LAMTOR2: variants seen among roughly 807,000 people sequenced by gnomAD.
LAMTOR2 encodes the protein ragulator complex protein LAMTOR2.
Under a neutral mutation model 15.8 loss-of-function variants are expected in LAMTOR2, and 4 were observed. The ratio of observed to expected loss-of-function variants is 0.25; its 90% CI spans 0.12 to 0.58. The LOEUF (loss-of-function observed/expected upper bound fraction) is 0.58. LAMTOR2 is among the 20% of genes least tolerant of loss of function. LAMTOR2 has a pLI of 0.91. For missense variants in LAMTOR2, 100 were observed against 161.0 expected (o/e 0.62, Z 2.05); for synonymous variants, 62 against 64.1 (o/e 0.97, Z 0.15).
intron 2 of LAMTOR2, 112 bp from the exon 3 acceptor site, chr1:156,057,866 C>T (rs1407850415): frequency 9.8e-7 from 1 of 1,021,426 alleles, no homozygotes; most frequent in Non-Finnish European, 1.5e-6. Flanking sequence ...CCTGCTGTGC[C>T]CAGGGCATGG....
chr1:156,055,257 C>G lies in LAMTOR2; in HGVS notation c.69-6C>G. The G allele has an allele frequency of 6.2e-7, 1 of 1,613,844 alleles. No homozygotes were observed. Among genetic ancestry groups the G allele is most frequent in the Non-Finnish European group, 8.5e-7 (1 of 1,180,018 alleles). On this transcript the variant is annotated splice_region_variant and splice_polypyrimidine_tract_variant and intron_variant, in intron 1 of 3. Coordinates refer to ENST00000368305, the MANE Select transcript of LAMTOR2 (RefSeq NM_014017.4). This position sits in a 1 kb window ranked among gnomAD's most constrained non-coding sequence, Gnocchi z 4.8. ...CACATCGCTATCCCTCCCCGCCCCT[C>G]ACCAGGCTGCTGAATAACGAGGGAT...
rs769642365 is a variant in LAMTOR2, at chr1:156,055,458, C to A, written c.231+33C>A. ...GAGGGGAGCCAGACTTCCCCTGTCC[C>A]CCAAAGGGGATCCCAAGGGGGCGAC... On this transcript the variant is annotated intron_variant, in intron 2 of 3. Transcript: ENST00000368305. The surrounding 1 kb of genome is among the most constrained non-coding windows in gnomAD (Gnocchi z 4.8). The A allele has an allele frequency of 1.2e-6, 2 of 1,613,400 alleles. No individual in the cohort carries two copies. The highest frequency in any genetic ancestry group is 1.3e-5 in the African/African-American group (1 of 75,046).
In LAMTOR2 at chr1:156,055,131, C is replaced by T; in HGVS notation, c.69-132C>T. 1 of 1,417,028 alleles carries T rather than the reference C, an allele frequency of 7.1e-7. No individual in the cohort carries two copies. Among genetic ancestry groups the T allele is most frequent in the Admixed American group, 1.7e-5 (1 of 59,036 alleles). 87.8% of individuals were successfully genotyped at this position (1,417,028 alleles called of 1,614,324 possible). ...AAAAGGGAAGCCGGTGTGCTGGGTG[C>T]TTAGGGCATGTTCCGGGACACGCTC... On this transcript the variant is annotated intron_variant, in intron 1 of 3. Coordinates refer to ENST00000368305, the MANE Select transcript of LAMTOR2 (RefSeq NM_014017.4). The surrounding 1 kb of genome is among the most constrained non-coding windows in gnomAD (Gnocchi z 4.8).
intron 2 of LAMTOR2, among the ~76,000 whole-genome samples, chr1:156,057,342 A>C (rs556093482): frequency 9.1e-4 from 139 of 152,192 alleles, no homozygotes; most frequent in Middle Eastern, 3.4e-3. Flanking sequence ...AAAAAATTTT[A>C]ATAAATAAAT....
Position 156,054,868 on chromosome 1 carries a change from C to T in LAMTOR2, c.-22C>T, listed in dbSNP as rs1269922849. On this transcript the variant is annotated 5_prime_UTR_variant, in exon 1 of 4. Transcript: ENST00000368305. Reference sequence around the variant, plus strand: ...CACCTCGGAGATCTGGGTGCAAAAGCCCAGGGTTAGGAACCGTAGGCATGC... The same window carrying T: ...CACCTCGGAGATCTGGGTGCAAAAGTCCAGGGTTAGGAACCGTAGGCATGC... 2.5e-6 allele frequency: 4 copies of T among 1,611,646 alleles called. No individual in the cohort carries two copies. Among genetic ancestry groups the T allele is most frequent in the Admixed American group, 1.7e-5 (1 of 59,866 alleles).
Position 156,055,694 on chromosome 1 carries a change from C to T in LAMTOR2, c.231+269C>T. The T allele has an allele frequency of 2.0e-6, 1 of 509,504 alleles. No homozygotes were observed. The highest frequency in any genetic ancestry group is 3.6e-6 in the Non-Finnish European group (1 of 279,694). 31.6% of individuals were successfully genotyped at this position (509,504 alleles called of 1,614,324 possible). The stretch of plus-strand genomic sequence containing the variant: ...ACCTTGGGTAAGTCGCTTAACCTCT[C>T]TCAGCTTCCTTACCTCATGTTTAAG... On this transcript the variant is annotated intron_variant, in intron 2 of 3. Transcript: ENST00000368305. This position sits in a 1 kb window ranked among gnomAD's most constrained non-coding sequence, Gnocchi z 4.8.
At chr1:156,056,148 C>T (rs1647358553) in intron 2 of LAMTOR2, among the ~76,000 whole-genome samples, 1 of 152,124 alleles carries the variant, frequency 6.6e-6, no homozygotes, top group Non-Finnish European at 1.5e-5. Context: ...GGACTACAGA[C>T]ATGCACCACC....
chr1:156,058,033 A>G lies in LAMTOR2; in HGVS notation c.287A>G (p.Lys96Arg). ...AACCTTCTGCTGTGTATGTATGCCA[A>G]GGAGACCGTGGGCTTTGGAATGCTC... ...VANLLLCMYA[K>R]ETVGFGMLKA... Residue 96 changes from lysine (K) to arginine (R), a missense_variant, in exon 3 of 4, where the codon AAG (lysine) becomes AGG (arginine). Lys to Arg is a conservative substitution (Grantham distance 26). Coordinates refer to ENST00000368305, the MANE Select transcript of LAMTOR2 (RefSeq NM_014017.4). 1 of 1,614,144 alleles carries G rather than the reference A, an allele frequency of 6.2e-7. No homozygotes were observed. The highest frequency in any genetic ancestry group is 8.5e-7 in the Non-Finnish European group (1 of 1,180,008).
At position 156,058,420 on chromosome 1, in the gene LAMTOR2, G is replaced by A. The variant is rs1302077111; in HGVS notation, c.*49G>A. 6.2e-7 allele frequency: 1 copy of A among 1,602,954 alleles called. No individual in the cohort carries two copies. The highest frequency in any genetic ancestry group is 1.1e-5 in the South Asian group (1 of 90,776). ...AGAAAAGAGAAATGACCATTTGGAG[G>A]GGCGGGGCCTCCTAGAAGAACCTTC... is the stretch of plus-strand genomic sequence containing the variant. On this transcript the variant is annotated 3_prime_UTR_variant, in exon 4 of 4. Coordinates refer to ENST00000368305, the MANE Select transcript of LAMTOR2 (RefSeq NM_014017.4).
Position 156,057,874 on chromosome 1 carries a change from TG to T in LAMTOR2, c.232-101del. ...TGAACTTCCTGCTGTGCCCAGGGCA[TG>T]GGAGGAAGATATAGTCTCTCTGGGG... On this transcript the variant is annotated intron_variant, in intron 2 of 3. Transcript: ENST00000368305. 20 of 1,077,794 alleles carry T rather than the reference TG, an allele frequency of 1.9e-5. No individual in the cohort carries two copies. The South Asian group carries it at 2.6e-4, about 14-fold the overall frequency. The allele number at this position is 1,077,794 out of a possible 1,614,324, so 66.8% of individuals were successfully genotyped here. A position where few individuals can be genotyped will look rare whatever the true frequency, so the allele number is the denominator to read the frequency against.
rs950390534 is a variant in LAMTOR2 at position 156,054,832 on chromosome 1, C to G, written c.-58C>G. The G allele has an allele frequency of 6.4e-7, 1 of 1,567,848 alleles. No homozygotes were observed. The highest frequency in any genetic ancestry group is 2.3e-5 in the East Asian group (1 of 43,882). On this transcript the variant is annotated 5_prime_UTR_variant, in exon 1 of 4. Coordinates refer to ENST00000368305, the MANE Select transcript of LAMTOR2 (RefSeq NM_014017.4). ...GACTACGGGAAGCAGCGGGCAGCGG[C>G]CCGCGGGAGGCACCTCGGAGATCTG... is the stretch of plus-strand genomic sequence containing the variant.
chr1:156,058,011 C>A lies in LAMTOR2; in HGVS notation c.265C>A (p.Leu89Ile), dbSNP rs755684196. Residue 89 changes from leucine to isoleucine, a missense_variant, in exon 3 of 4, where the codon CTT (leucine) becomes ATT (isoleucine). Coordinates refer to ENST00000368305, the MANE Select transcript of LAMTOR2 (RefSeq NM_014017.4). ...TGTAGCCATCACCCGAGTGGCCAAC[C>A]TTCTGCTGTGTATGTATGCCAAGGA... ...GRVAITRVAN[L>I]LLCMYAKETV... 1.9e-6 allele frequency: 3 copies of A among 1,614,162 alleles called. No homozygotes were observed. The highest frequency in any genetic ancestry group is 1.7e-5 in the Admixed American group (1 of 60,022).
rs1434667916 is a variant in LAMTOR2 at position 156,055,510 on chromosome 1, G to A, written c.231+85G>A. 7.3e-6 allele frequency: 11 copies of A among 1,498,680 alleles called. No individual in the cohort carries two copies. Among genetic ancestry groups the A allele is most frequent in the Non-Finnish European group, 1.0e-5 (11 of 1,078,572 alleles). 92.8% of individuals were successfully genotyped at this position (1,498,680 alleles called of 1,614,324 possible). On this transcript the variant is annotated intron_variant, in intron 2 of 3. Transcript: ENST00000368305. This position sits in a 1 kb window ranked among gnomAD's most constrained non-coding sequence, Gnocchi z 4.8. ...TGGACCCCATCCTGGATGGTTGGAG[G>A]GGCAGGGACAGGATCTCCGGAAGAT...
chr1:156,057,595 C>T (rs1382150260), intron 2 of LAMTOR2, among the ~76,000 whole-genome samples: 1 of 152,132 alleles, frequency 6.6e-6, no homozygotes, highest in South Asian at 2.1e-4. Context: ...GGTTACCACT[C>T]CCATGCCCCT....
intron 2 of LAMTOR2, 76 bp from the exon 3 acceptor site, chr1:156,057,902 C>T (rs1047886232): frequency 7.3e-7 from 1 of 1,363,854 alleles, no homozygotes; most frequent in Non-Finnish European, 1.0e-6. Context: ...TCTCTGGGGC[C>T]AGAGAAGCCT....
At chr1:156,057,938 C>G (rs761885449) in intron 2 of LAMTOR2, 40 bp from the exon 3 acceptor site, 3 of 1,586,656 alleles carry the variant, frequency 1.9e-6, no homozygotes, top group Non-Finnish European at 8.7e-7. Flanking sequence ...GCTAAGGGTG[C>G]CAAGCAGAAC....
chr1:156,054,828 G>A lies in LAMTOR2; in HGVS notation c.-62G>A. The A allele has an allele frequency of 6.4e-7, 1 of 1,554,050 alleles. No homozygotes were observed. The highest frequency in any genetic ancestry group is 8.8e-7 in the Non-Finnish European group (1 of 1,132,008). ...ACGGGACTACGGGAAGCAGCGGGCA[G>A]CGGCCCGCGGGAGGCACCTCGGAGA... On this transcript the variant is annotated 5_prime_UTR_variant, in exon 1 of 4. Coordinates refer to ENST00000368305, the MANE Select transcript of LAMTOR2 (RefSeq NM_014017.4).
chr1:156,054,830 G>C lies in LAMTOR2; in HGVS notation c.-60G>C. 4 of 1,548,204 alleles carry C rather than the reference G, an allele frequency of 2.6e-6. No homozygotes were observed. In the South Asian group the frequency reaches 3.4e-5, roughly 13 times the overall value. On this transcript the variant is annotated 5_prime_UTR_variant, in exon 1 of 4. Transcript: ENST00000368305. Reference sequence around the variant, plus strand: ...GGGACTACGGGAAGCAGCGGGCAGCGGCCCGCGGGAGGCACCTCGGAGATC... The same window carrying C: ...GGGACTACGGGAAGCAGCGGGCAGCCGCCCGCGGGAGGCACCTCGGAGATC...
chr1:156,055,251 G>C lies in LAMTOR2; in HGVS notation c.69-12G>C. On this transcript the variant is annotated splice_polypyrimidine_tract_variant and intron_variant, in intron 1 of 3. Coordinates refer to ENST00000368305, the MANE Select transcript of LAMTOR2 (RefSeq NM_014017.4). This position sits in a 1 kb window ranked among gnomAD's most constrained non-coding sequence, Gnocchi z 4.8. ...TCTGAGCACATCGCTATCCCTCCCC[G>C]CCCCTCACCAGGCTGCTGAATAACG... The C allele has an allele frequency of 6.2e-7, 1 of 1,613,406 alleles. No homozygotes were observed. Among genetic ancestry groups the C allele is most frequent in the Non-Finnish European group, 8.5e-7 (1 of 1,179,962 alleles).
Sources: allele counts gnomAD v4.1 joint callset (sites outside exome capture counted in the v4.1 genomes callset), GRCh38; gene constraint gnomAD v4.1.1; non-coding constraint Gnocchi (gnomAD v3.1); transcripts MANE v1.5; gene names NCBI Gene and HGNC (gene_info 2026-07-23, HGNC 2026-07-21).